The following OSGIN2 variants were observed in gnomAD, a reference collection of about 807,000 sequenced individuals.
The protein encoded by OSGIN2 is oxidative stress induced growth inhibitor family member 2.
Under a neutral mutation model 53.8 loss-of-function variants are expected in OSGIN2, and 19 were observed. That is an observed-to-expected ratio of 0.35 (90% CI 0.25 to 0.52). OSGIN2 has a LOEUF of 0.52. Among genes scored for constraint, OSGIN2 ranks in the 20% least tolerant of loss-of-function variants. The probability of loss-of-function intolerance (pLI) is 0.95; values close to 1 mark genes in which losing one functional copy is unlikely to be tolerated. For missense variants in OSGIN2, 520 were observed against 662.7 expected (o/e 0.78, Z 2.36); for synonymous variants, 236 against 236.0 (o/e 1.00, Z 0.00).
rs903445053 is a variant in OSGIN2 at position 89,924,652 on chromosome 8, T to C, written c.770T>C (p.Ile257Thr). Residue 257 changes from isoleucine (I) to threonine (T), a missense_variant, in exon 6 of 6, where the codon ATT (isoleucine) becomes ACT (threonine). Transcript: ENST00000451899. The stretch of plus-strand genomic sequence containing the variant: ...TACAGAGATCAAGATGATGATGATA[T>C]TCAAGACAGAGATATTTCAACAAAG... ...RLYRDQDDDD[I>T]QDRDISTKHL... is the part of the protein sequence containing the mutation. 11 of 1,614,002 alleles carry C rather than the reference T, an allele frequency of 6.8e-6. No homozygotes were observed. The highest frequency in any genetic ancestry group is 1.1e-5 in the South Asian group (1 of 91,086).
intron 5 of OSGIN2, 137 bp downstream of exon 5, chr8:89,921,308 C>A: frequency 1.7e-6 from 1 of 573,448 alleles, no homozygotes; most frequent in Non-Finnish European, 3.1e-6. Context: ...GTCCTTGAAG[C>A]AGTGATTATA....
At chr8:89,917,545 G>GA (rs1809105087) in intron 4 of OSGIN2, among the ~76,000 whole-genome samples, 1 of 151,924 alleles carries the variant, frequency 6.6e-6, no homozygotes, top group Non-Finnish European at 1.5e-5. Context: ...CAGACCCCCA[G>GA]AAAAAAAATT....
intron 3 of OSGIN2, 93 bp from the exon 4 acceptor site, chr8:89,914,461 CT>C: frequency 1.1e-6 from 1 of 950,456 alleles, no homozygotes. Flanking sequence ...GGGGGTACTG[CT>C]TTTTATCATT....
intron 4 of OSGIN2, 121 bp from the exon 5 acceptor site, chr8:89,920,959 C>T (rs992732553): frequency 1.3e-5 from 8 of 608,492 alleles, no homozygotes; most frequent in South Asian, 4.7e-5. Flanking sequence ...ACTGCAGGAG[C>T]GCACCTTGTC....
intron 1 of OSGIN2, among the ~76,000 whole-genome samples, 182 bp downstream of exon 1, chr8:89,903,019 C>G (rs1258178834): frequency 6.6e-6 from 1 of 152,120 alleles, no homozygotes; most frequent in Non-Finnish European, 1.5e-5. Context: ...GGTCCTTGCT[C>G]CGGGGAGCCC....
Position 89,912,491 on chromosome 8 carries a change from C to T in OSGIN2, c.200-1586C>T, listed in dbSNP as rs1196581683. ...TCCTGATTGGTTGGGCGTGATGGCT[C>T]ATACTTGTAATCCCAGCACTTGGGG... On this transcript the variant is annotated intron_variant, in intron 2 of 5. Transcript: ENST00000451899. Among the ~76,000 whole-genome samples the T allele has an allele frequency of 4.6e-5, 7 of 152,048 alleles. No individual in the cohort carries two copies. In the East Asian group the frequency reaches 1.3e-3, roughly 29 times the overall value.
intron 4 of OSGIN2, among the ~76,000 whole-genome samples, chr8:89,918,582 A>G (rs1012026865): frequency 1.1e-4 from 16 of 152,138 alleles, no homozygotes; most frequent in African/African-American, 3.1e-4. Context: ...TATTGATATT[A>G]ATTGATTCCC....
chr8:89,921,248 AT>A, intron 5 of OSGIN2, 77 bp downstream of exon 5: 2 of 803,108 alleles, frequency 2.5e-6, no homozygotes, highest in Non-Finnish European at 4.1e-6. Flanking sequence ...AATATTTGTG[AT>A]TTTGTCATGG....
intron 4 of OSGIN2, among the ~76,000 whole-genome samples, chr8:89,915,529 G>A (rs1809059961): frequency 6.6e-6 from 1 of 152,148 alleles, no homozygotes; most frequent in South Asian, 2.1e-4. Flanking sequence ...GTGAATTAAG[G>A]ATTCACTCAG....
Position 89,914,074 on chromosome 8 carries a change from T to C in OSGIN2, c.200-3T>C, listed in dbSNP as rs1347117627. ...ACCCCTTTCCACCTTTTATTTTTAA[T>C]AGGAAATGGACCCTCAGGAATATGC... On this transcript the variant is annotated splice_polypyrimidine_tract_variant and splice_region_variant and intron_variant, in intron 2 of 5. Transcript: ENST00000451899. The C allele has an allele frequency of 6.2e-7, 1 of 1,608,322 alleles. No individual in the cohort carries two copies. Among genetic ancestry groups the C allele is most frequent in the Non-Finnish European group, 8.5e-7 (1 of 1,177,542 alleles).
chr8:89,920,102 A>G (rs575605042), intron 4 of OSGIN2, among the ~76,000 whole-genome samples: 20 of 152,334 alleles, frequency 1.3e-4, no homozygotes, highest in African/African-American at 4.3e-4. Flanking sequence ...CAGGTTCCAA[A>G]TAATCTCTGA....
chr8:89,914,485 TA>T, intron 3 of OSGIN2, 69 bp from the exon 4 acceptor site: 1 of 1,143,208 alleles, frequency 8.7e-7, no homozygotes, highest in South Asian at 1.5e-5. Context: ...AGCATCATGG[TA>T]AGCATTAGAA....
In OSGIN2 at chr8:89,914,666, G is replaced by A. The variant is rs376138389; in HGVS notation, c.448G>A (p.Val150Ile). ...DADFGYDYPS[V>I]LHWKLEQHHY... ...TGACTTTGGGTATGATTATCCATCC[G>A]TTTTGCATTGGAAATTAGAGCAACA... The change falls in exon 4 of 6, where the codon GTT (valine) becomes ATT (isoleucine). Residue 150 changes from valine to isoleucine, a missense_variant. Physicochemically the swap from Val to Ile is conservative, Grantham distance 29 (BLOSUM62 3). Coordinates refer to ENST00000451899, the MANE Select transcript of OSGIN2 (RefSeq NM_001126111.3). 2.4e-5 allele frequency: 38 copies of A among 1,613,754 alleles called. No homozygotes were observed. Among genetic ancestry groups the A allele is most frequent in the East Asian group, 1.8e-4 (8 of 44,890 alleles).
Position 89,924,738 on chromosome 8 carries a change from CG to C in OSGIN2, c.857del (p.Arg286GlnfsTer2). 6.2e-7 allele frequency: 1 copy of C among 1,614,086 alleles called. No individual in the cohort carries two copies. The highest frequency in any genetic ancestry group is 8.5e-7 in the Non-Finnish European group (1 of 1,179,964). On this transcript the variant is annotated frameshift_variant, in exon 6 of 6. Transcript: ENST00000451899. LOFTEE classifies it high-confidence loss of function. Reference protein sequence around the residue: ...KRNWEIRGYQRIADGSHVPFC... With the variant: ...KRNWEIRGYQXIADGSHVPFC... ...AAACTGGGAAATTAGGGGTTATCAG[CG>C]AATAGCTGATGGTTCTCATGTTCCC...
In OSGIN2 at chr8:89,914,742, G is replaced by C. The variant is rs1809042299; in HGVS notation, c.524G>C (p.Trp175Ser). The change falls in exon 4 of 6, where the codon TGG (tryptophan) becomes TCG (serine). Residue 175 changes from tryptophan (W) to serine (S), a missense_variant. This residue lies in a region of OSGIN2 where 203 missense variants were observed against 275.3 expected (regional missense o/e 0.74). Coordinates refer to ENST00000451899, the MANE Select transcript of OSGIN2 (RefSeq NM_001126111.3). ...GGTAAAGGTCCACCTGGTGGGGCTT[G>C]GCATGTGAGTATATTTTTCTTAGCA... is the stretch of plus-strand genomic sequence containing the variant. ...VLGKGPPGGA[W>S]HNMEGSMLTI... 6.2e-7 allele frequency: 1 copy of C among 1,610,226 alleles called. No individual in the cohort carries two copies. The highest frequency in any genetic ancestry group is 1.7e-5 in the Admixed American group (1 of 59,858).
At position 89,925,710 on chromosome 8, in the gene OSGIN2, T is replaced by TTA; in HGVS notation, c.*179_*180insAT. 1 of 526,854 alleles carries TTA rather than the reference T, an allele frequency of 1.9e-6. No homozygotes were observed. The highest frequency in any genetic ancestry group is 3.3e-6 in the Non-Finnish European group (1 of 298,590). The allele number at this position is 526,854 out of a possible 1,614,324, so 32.6% of individuals were successfully genotyped here. A position where few individuals can be genotyped will look rare whatever the true frequency, so the allele number is the denominator to read the frequency against. ...GGTATCCTGATTTATATTGCAGTGT[T>TTA]TCAAAGGTGTCACTGTCAGACAAAT... On this transcript the variant is annotated 3_prime_UTR_variant, in exon 6 of 6. Coordinates refer to ENST00000451899, the MANE Select transcript of OSGIN2 (RefSeq NM_001126111.3).
chr8:89,917,049 A>G (rs1324577223), intron 4 of OSGIN2, among the ~76,000 whole-genome samples: 1 of 152,214 alleles, frequency 6.6e-6, no homozygotes, highest in African/African-American at 2.4e-5. Context: ...CCAGTTACTG[A>G]ATCTGTGGCA....
At chr8:89,904,684 T>C (rs182139307) in intron 1 of OSGIN2, among the ~76,000 whole-genome samples, 2 of 152,206 alleles carry the variant, frequency 1.3e-5, no homozygotes, top group East Asian at 1.9e-4. Context: ...GGCAGGGTGG[T>C]GTGCACCTGT....
At position 89,923,327 on chromosome 8, in the gene OSGIN2, TGAA is replaced by T. The variant is rs1340720717; in HGVS notation, c.621-1171_621-1169del. Among the ~76,000 whole-genome samples the T allele has an allele frequency of 3.3e-5, 5 of 152,320 alleles. 1 individual carries two copies. Among genetic ancestry groups the T allele is most frequent in the Admixed American group, 1.3e-4 (2 of 15,304 alleles). The stretch of plus-strand genomic sequence containing the variant: ...TTGATTGAATTATGTGACACATGAC[TGAA>T]GAAGTAAAAATCTAAAGTTAATTCT... On this transcript the variant is annotated intron_variant, in intron 5 of 5. Transcript: ENST00000451899.
Sources: gnomAD v4.1 joint callset for allele counts (sites outside exome capture counted in the v4.1 genomes callset) on GRCh38, gnomAD v4.1.1 for gene constraint, gnomAD v4.1.1 regional missense constraint, MANE v1.5 for transcripts, NCBI Gene and HGNC (gene_info 2026-07-23, HGNC 2026-07-21) for gene names.